Variants in WWTR1 observed in about 807,000 individuals in gnomAD.
The protein encoded by WWTR1 is WW domain containing transcription regulator 1, also known as WW domain-containing transcription regulator protein 1.
Under a neutral mutation model 40.1 loss-of-function variants are expected in WWTR1, and 13 were observed. The observed-to-expected ratio is 0.32, with a 90% confidence interval of 0.21 to 0.52. The LOEUF is 0.52. Ranked by LOEUF, WWTR1 falls within the 20% of genes least tolerant of loss-of-function variation. The probability of loss-of-function intolerance (pLI) is 0.97; values close to 1 mark genes in which losing one functional copy is unlikely to be tolerated. For missense variants in WWTR1, 436 were observed against 523.1 expected (o/e 0.83, Z 1.63); for synonymous variants, 230 against 210.1 (o/e 1.09, Z -0.82).
chr3:149,718,785 T>C (rs1053038534), intron 4 of WWTR1, among the ~76,000 whole-genome samples: 1 of 152,200 alleles, frequency 6.6e-6, no homozygotes, highest in African/African-American at 2.4e-5. Flanking sequence ...TCAAGGTTCA[T>C]CCATGTTGTA....
chr3:149,618,297 A>G (rs922204994), intron 2 of WWTR1, among the ~76,000 whole-genome samples: 1 of 152,210 alleles, frequency 6.6e-6, no homozygotes, highest in African/African-American at 2.4e-5. Context: ...TCTTGCAGCC[A>G]ACAGATACAT....
At chr3:149,522,413 T>G (rs1389173413) in intron 6 of WWTR1, among the ~76,000 whole-genome samples, 1 of 152,224 alleles carries the variant, frequency 6.6e-6, no homozygotes, top group Non-Finnish European at 1.5e-5. Flanking sequence ...AAATGACTCC[T>G]GGGTAACATT....
intron 2 of WWTR1, among the ~76,000 whole-genome samples, chr3:149,669,195 T>C (rs1173392637): frequency 6.6e-6 from 1 of 152,128 alleles, no homozygotes; most frequent in Non-Finnish European, 1.5e-5. Context: ...CCCCCACATA[T>C]ACAAGAACAA....
intron 5 of WWTR1, among the ~76,000 whole-genome samples, chr3:149,708,977 C>T (rs1276623911): frequency 6.6e-6 from 1 of 151,956 alleles, no homozygotes; most frequent in East Asian, 1.9e-4. Flanking sequence ...CAATACTTAT[C>T]TTTTTATTTG....
At chr3:149,534,152 A>G (rs1735715688) in intron 4 of WWTR1, among the ~76,000 whole-genome samples, 1 of 152,192 alleles carries the variant, frequency 6.6e-6, no homozygotes, top group African/African-American at 2.4e-5. Context: ...TGTGGGTAAC[A>G]GAATGAGACT....
intron 2 of WWTR1, among the ~76,000 whole-genome samples, chr3:149,618,849 C>T (rs983743809): frequency 6.6e-6 from 1 of 152,134 alleles, no homozygotes; most frequent in Non-Finnish European, 1.5e-5. Context: ...AAGTACAATC[C>T]TGTCCCCTCT....
intron 3 of WWTR1, among the ~76,000 whole-genome samples, chr3:149,567,565 T>C (rs1467932534): frequency 6.6e-6 from 1 of 152,160 alleles, no homozygotes; most frequent in East Asian, 1.9e-4. Context: ...GAAGGAGGAA[T>C]GGAATGGCTT....
At chr3:149,602,716 G>A (rs1739294366) in intron 2 of WWTR1, among the ~76,000 whole-genome samples, 2 of 152,188 alleles carry the variant, frequency 1.3e-5, no homozygotes, top group Admixed American at 1.3e-4. Flanking sequence ...CCAGACTGGA[G>A]TGCAGTGGCA....
chr3:149,531,080 A>C (rs1017040650), intron 4 of WWTR1, among the ~76,000 whole-genome samples: 12 of 152,038 alleles, frequency 7.9e-5, no homozygotes, highest in African/African-American at 2.7e-4. Flanking sequence ...GACTACAGGC[A>C]TGTGCCACCA....
chr3:149,620,256 C>G (rs928895188), intron 2 of WWTR1, among the ~76,000 whole-genome samples: 2 of 152,014 alleles, frequency 1.3e-5, no homozygotes, highest in African/African-American at 4.8e-5. Context: ...GATAAAGAAC[C>G]CATAAAGGGA....
chr3:149,721,150 C>A (rs760978601), intron 4 of WWTR1, among the ~76,000 whole-genome samples: 4 of 152,068 alleles, frequency 2.6e-5, no homozygotes, highest in Non-Finnish European at 4.4e-5. Context: ...CAATGCTATA[C>A]GGTGAAAGTG....
chr3:149,710,660 A>T (rs1174717379), intron 5 of WWTR1, among the ~76,000 whole-genome samples: 3 of 129,696 alleles, frequency 2.3e-5, no homozygotes, highest in Non-Finnish European at 4.7e-5. Context: ...GCACACTACA[A>T]CCTCCGCCTC....
intron 2 of WWTR1, among the ~76,000 whole-genome samples, chr3:149,581,321 T>C (rs889077342): frequency 6.6e-6 from 1 of 151,764 alleles, no homozygotes; most frequent in Non-Finnish European, 1.5e-5. Flanking sequence ...TAGCAAAGCA[T>C]TCAGAGTTTA....
intron 3 of WWTR1, among the ~76,000 whole-genome samples, chr3:149,553,508 A>G (rs1333153939): frequency 1.3e-5 from 2 of 152,098 alleles, no homozygotes; most frequent in South Asian, 2.1e-4. Flanking sequence ...TTGTTCTTCA[A>G]TCCTCCAAAA....
Position 149,551,592 on chromosome 3 carries a change from T to G in WWTR1, c.569-9055A>C, listed in dbSNP as rs767346306. On this transcript the variant is annotated intron_variant, in intron 3 of 6. Coordinates refer to ENST00000360632, the MANE Select transcript of WWTR1 (RefSeq NM_015472.6). ...GCAAAGCTTTACAATCACCTCATTC[T>G]CTTCTTCTCTGTCACAGAGGGTGAC... 2.7e-5 allele frequency among the ~76,000 whole-genome samples: 4 copies of G among 145,632 alleles called. 1 individual carries two copies. The highest frequency in any genetic ancestry group is 6.0e-5 in the Non-Finnish European group (4 of 66,356).
intron 2 of WWTR1, among the ~76,000 whole-genome samples, chr3:149,627,591 C>G (rs1038754489): frequency 1.3e-5 from 2 of 152,094 alleles, no homozygotes; most frequent in Non-Finnish European, 2.9e-5. Flanking sequence ...AGGAGGCCCC[C>G]AAATCAAGCT....
At chr3:149,623,912 T>C (rs1280783514) in intron 2 of WWTR1, among the ~76,000 whole-genome samples, 2 of 152,224 alleles carry the variant, frequency 1.3e-5, no homozygotes, top group Non-Finnish European at 2.9e-5. Context: ...TGTGCTCTCT[T>C]GCATATATGC....
At chr3:149,706,535 C>T (rs576420378), upstream of WWTR1, among the ~76,000 whole-genome samples, 3 of 152,046 alleles carry the variant, frequency 2.0e-5, no homozygotes, top group African/African-American at 2.4e-5. Flanking sequence ...TCAGGCTGGT[C>T]CCGAACTCCT....
chr3:149,561,750 G>T (rs1199387979), intron 3 of WWTR1, among the ~76,000 whole-genome samples: 1 of 152,140 alleles, frequency 6.6e-6, no homozygotes, highest in Non-Finnish European at 1.5e-5. Context: ...AATTTGGAAG[G>T]CTCTCTAAGA....
Sources: allele counts gnomAD v4.1 joint callset (sites outside exome capture counted in the v4.1 genomes callset), GRCh38; gene constraint gnomAD v4.1.1; transcripts MANE v1.5; gene names NCBI Gene and HGNC (gene_info 2026-07-23, HGNC 2026-07-21).